RBMS1: variants seen among roughly 807,000 people sequenced by gnomAD.
RBMS1 encodes the protein RNA binding motif single stranded interacting protein 1.
Under a neutral mutation model 62.3 loss-of-function variants are expected in RBMS1, and 17 were observed. That is an observed-to-expected ratio of 0.27 (90% CI 0.19 to 0.41). The LOEUF (loss-of-function observed/expected upper bound fraction) is 0.41, where lower values mean the gene tolerates loss of function less well. Ranked by LOEUF, RBMS1 falls within the 10% of genes least tolerant of loss-of-function variation. The pLI, the probability that RBMS1 is intolerant of heterozygous loss-of-function variation, is 1.00. For synonymous variants in RBMS1, 172 were observed against 170.0 expected (o/e 1.01, Z -0.09); for missense variants, 334 against 504.5 (o/e 0.66, Z 3.24).
chr2:160,432,110 A>G (rs906015900), intron 1 of RBMS1, among the ~76,000 whole-genome samples: 1 of 152,218 alleles, frequency 6.6e-6, no homozygotes, highest in African/African-American at 2.4e-5. Flanking sequence ...ATGTATGTCT[A>G]CATATAAACT....
At chr2:160,426,218 GAAGAAAGAAAGAAAGA>G (rs57929883) in intron 1 of RBMS1, among the ~76,000 whole-genome samples, 188 of 48,700 alleles carry the variant, frequency 3.9e-3, no homozygotes, top group Middle Eastern at 8.3e-3. Context: ...GAGAGAGACA[GAAGAAAGAAAGAAAGA>G]AAGAAAGAAA....
Position 160,485,803 on chromosome 2 carries a change from T to G in RBMS1, c.75+7486A>C, listed in dbSNP as rs147590129. On this transcript the variant is annotated intron_variant, in intron 1 of 13. Transcript: ENST00000348849. ...AAAAGAGGCTGAGATTAGGCACCTT[T>G]TTAAAAGAATGTCATTTTAGAAACA... 5.1e-4 allele frequency among the ~76,000 whole-genome samples: 78 copies of G among 152,254 alleles called. 1 individual carries two copies. The highest frequency in any genetic ancestry group is 1.7e-3 in the African/African-American group (69 of 41,552).
intron 1 of RBMS1, among the ~76,000 whole-genome samples, chr2:160,403,142 T>C (rs1695522181): frequency 6.6e-6 from 1 of 152,186 alleles, no homozygotes; most frequent in Admixed American, 6.5e-5. Flanking sequence ...TGGCTATGTA[T>C]GGGTAGATTT....
chr2:160,297,384 A>G (rs1309770416), intron 6 of RBMS1, among the ~76,000 whole-genome samples: 1 of 152,214 alleles, frequency 6.6e-6, no homozygotes, highest in East Asian at 1.9e-4. Context: ...TTCCCCCCAC[A>G]TGGTAGCTTG....
At chr2:160,462,322 C>T (rs1468870695) in intron 1 of RBMS1, among the ~76,000 whole-genome samples, 1 of 152,152 alleles carries the variant, frequency 6.6e-6, no homozygotes, top group East Asian at 1.9e-4. Context: ...CTGTCTTATG[C>T]CTTTTGCCCA....
intron 2 of RBMS1, among the ~76,000 whole-genome samples, chr2:160,351,683 C>T (rs77439332): frequency 0.065 from 9,955 of 152,184 alleles, 516 homozygotes; most frequent in Non-Finnish European, 0.11. Flanking sequence ...AACTGTTGTG[C>T]ATCCACTAAT....
At chr2:160,353,975 G>A (rs1692658785) in intron 2 of RBMS1, among the ~76,000 whole-genome samples, 1 of 152,116 alleles carries the variant, frequency 6.6e-6, no homozygotes, top group African/African-American at 2.4e-5. Context: ...GGGGCACAGA[G>A]AGGTTGAGAA....
chr2:160,475,949 C>G (rs1222126147), intron 1 of RBMS1, among the ~76,000 whole-genome samples: 1 of 151,732 alleles, frequency 6.6e-6, no homozygotes, highest in Non-Finnish European at 1.5e-5. Flanking sequence ...CTTCGCCCCC[C>G]GAGCTCTGTC....
intron 3 of RBMS1, among the ~76,000 whole-genome samples, chr2:160,314,649 A>G (rs541686131): frequency 6.6e-6 from 1 of 152,290 alleles, no homozygotes; most frequent in Non-Finnish European, 1.5e-5. Context: ...TAGATGTTTC[A>G]GGAGAGATGA....
intron 12 of RBMS1, chr2:160,276,557 CTCTCT>C: frequency 6.6e-6 from 1 of 152,204 alleles, no homozygotes; most frequent in Non-Finnish European, 1.5e-5. Context: ...GCCACGTTTT[CTCTCT>C]AACCATAATT....
At chr2:160,415,857 A>G (rs1029610461) in intron 1 of RBMS1, among the ~76,000 whole-genome samples, 1 of 152,108 alleles carries the variant, frequency 6.6e-6, no homozygotes, top group African/African-American at 2.4e-5. Context: ...AGGATGCTAG[A>G]ATAATTAATG....
At chr2:160,292,314 G>A (rs1688723898) in intron 6 of RBMS1, among the ~76,000 whole-genome samples, 1 of 152,198 alleles carries the variant, frequency 6.6e-6, no homozygotes, top group Admixed American at 6.5e-5. Context: ...TCAAAAGATT[G>A]TTATAGTTAA....
intron 2 of RBMS1, among the ~76,000 whole-genome samples, chr2:160,345,554 C>T (rs1459196262): frequency 6.6e-6 from 1 of 152,134 alleles, no homozygotes; most frequent in Non-Finnish European, 1.5e-5. Context: ...GTAAGCAACC[C>T]TTGCTGGTAA....
intron 2 of RBMS1, among the ~76,000 whole-genome samples, chr2:160,358,472 G>GA (rs1429043579): frequency 6.6e-6 from 1 of 152,096 alleles, no homozygotes; most frequent in Non-Finnish European, 1.5e-5. Flanking sequence ...AGCAATAACA[G>GA]AAGCAAGCCA....
intron 1 of RBMS1, among the ~76,000 whole-genome samples, chr2:160,441,009 G>A (rs911043669): frequency 2.8e-4 from 43 of 152,290 alleles, no homozygotes; most frequent in Admixed American, 8.5e-4. Flanking sequence ...TCCCTTCCAC[G>A]AGTGTTCCCT....
At chr2:160,363,535 A>G (rs1432082375) in intron 2 of RBMS1, among the ~76,000 whole-genome samples, 1 of 151,984 alleles carries the variant, frequency 6.6e-6, no homozygotes, top group Non-Finnish European at 1.5e-5. Context: ...GGGAGGGAGG[A>G]GTCAGCCGGT....
intron 13 of RBMS1, among the ~76,000 whole-genome samples, chr2:160,275,129 A>C (rs1687762420): frequency 6.6e-6 from 1 of 152,230 alleles, no homozygotes; most frequent in African/African-American, 2.4e-5. Flanking sequence ...ATTTTATTAC[A>C]GTCTGCATGG....
At chr2:160,396,410 AT>A (rs976646699) in intron 1 of RBMS1, among the ~76,000 whole-genome samples, 3 of 152,094 alleles carry the variant, frequency 2.0e-5, no homozygotes. Context: ...ACAGACCCAT[AT>A]GTACTATCTC....
At chr2:160,420,629 C>T (rs918946850) in intron 1 of RBMS1, among the ~76,000 whole-genome samples, 3 of 152,096 alleles carry the variant, frequency 2.0e-5, no homozygotes, top group Admixed American at 2.0e-4. Flanking sequence ...CAGTAGTTCT[C>T]GGCCTCCTTT....
Sources: allele counts gnomAD v4.1 joint callset (sites outside exome capture counted in the v4.1 genomes callset), GRCh38; gene constraint gnomAD v4.1.1; transcripts MANE v1.5; gene names NCBI Gene and HGNC (gene_info 2026-07-23, HGNC 2026-07-21).